CLCA2: variants seen among roughly 807,000 people sequenced by gnomAD.
CLCA2 encodes the protein chloride channel accessory 2.
In CLCA2, 85 loss-of-function variants were observed where a neutral mutation model predicts 82.9. The observed-to-expected ratio is 1.03, with a 90% CI of 0.86 to 1.23. The LOEUF (loss-of-function observed/expected upper bound fraction) is 1.23, where lower values mean the gene tolerates loss of function less well. Ranked by LOEUF, CLCA2 falls within the 50% of genes most tolerant of loss-of-function variation. The pLI is 0.00. For synonymous variants in CLCA2, 421 were observed against 391.7 expected (o/e 1.07, Z -0.88); for missense variants, 1,089 against 1,124.8 (o/e 0.97, Z 0.45).
rs775859452 is a variant in CLCA2 at position 86,450,719 on chromosome 1, G to C, written c.2141G>C (p.Gly714Ala). 3.4e-5 allele frequency: 54 copies of C among 1,601,846 alleles called. No individual in the cohort carries two copies. The highest frequency in any genetic ancestry group is 6.8e-6 in the Non-Finnish European group (8 of 1,174,198). Residue 714 changes from glycine to alanine, a missense_variant, in exon 12 of 14, where the codon GGT (glycine) becomes GCT (alanine). Coordinates refer to ENST00000370565, the MANE Select transcript of CLCA2 (RefSeq NM_006536.7). ...IPGSHAMYVPGYTANGNIQMN... is the reference protein window; with the variant it reads ...IPGSHAMYVPAYTANGNIQMN... ...GGGAGTCATGCTATGTATGTACCAG[G>C]TTACACAGCAAACGGTAAGAACCAT...
intron 1 of CLCA2, 48 bp downstream of exon 1, chr1:86,424,481 C>A: frequency 6.7e-7 from 1 of 1,497,754 alleles, no homozygotes; most frequent in Non-Finnish European, 9.0e-7. Context: ...TTGATCAGAC[C>A]TGTAGCCTTA....
intron 3 of CLCA2, among the ~76,000 whole-genome samples, chr1:86,430,318 A>G (rs1662469528): frequency 6.6e-6 from 1 of 152,204 alleles, no homozygotes; most frequent in Non-Finnish European, 1.5e-5. Context: ...GGGACCATCC[A>G]GGCTGGGGAG....
At chr1:86,442,819 T>C (rs12091898) in intron 9 of CLCA2, among the ~76,000 whole-genome samples, 14,194 of 152,236 alleles carry the variant, frequency 0.093, 742 homozygotes, top group Middle Eastern at 0.16. Context: ...CACGGTTCCA[T>C]TCCCTTGGTA....
intron 9 of CLCA2, among the ~76,000 whole-genome samples, chr1:86,442,839 G>A (rs1040986781): frequency 1.1e-4 from 16 of 152,062 alleles, no homozygotes; most frequent in African/African-American, 3.6e-4. Context: ...ATGTGACATC[G>A]GCAAATTACT....
chr1:86,445,193 C>T (rs1451414771), intron 10 of CLCA2, among the ~76,000 whole-genome samples: 5 of 151,976 alleles, frequency 3.3e-5, no homozygotes, highest in African/African-American at 7.3e-5. Context: ...CCACCGCTCC[C>T]ACCACCTTCT....
At chr1:86,427,502 T>C (rs1003724905) in intron 2 of CLCA2, among the ~76,000 whole-genome samples, 9 of 151,812 alleles carry the variant, frequency 5.9e-5, no homozygotes, top group Non-Finnish European at 1.2e-4. Flanking sequence ...TATTGTCCTC[T>C]TCTTCTCAGT....
chr1:86,452,324 C>T (rs149235332), intron 12 of CLCA2, among the ~76,000 whole-genome samples: 17 of 152,112 alleles, frequency 1.1e-4, no homozygotes, highest in African/African-American at 3.9e-4. Flanking sequence ...CACCATCTCC[C>T]ATCCCAAGCT....
chr1:86,432,237 G>A (rs1662515310), intron 4 of CLCA2, 132 bp from the exon 5 acceptor site: 2 of 1,009,052 alleles, frequency 2.0e-6, no homozygotes, highest in Non-Finnish European at 2.9e-6. Context: ...CACCCCGCCA[G>A]TAGAGCAGTT....
rs897802408 is a variant in CLCA2, at chr1:86,455,152, T to C, written c.2457T>C (p.Ile819=). ...TCCAAGATGACTTTAACAATGCTATTTTAGTAAATACATCAAAGCGAAATC... is the reference window on the plus strand; with the variant it reads ...TCCAAGATGACTTTAACAATGCTATCTTAGTAAATACATCAAAGCGAAATC... ...QNIQDDFNNA[I]LVNTSKRNPQ... Residue 819 remains isoleucine (I), a synonymous_variant, in exon 14 of 14, where the codon ATT becomes ATC. Coordinates refer to ENST00000370565, the MANE Select transcript of CLCA2 (RefSeq NM_006536.7). 3 of 1,611,696 alleles carry C rather than the reference T, an allele frequency of 1.9e-6. No homozygotes were observed. The highest frequency in any genetic ancestry group is 2.5e-6 in the Non-Finnish European group (3 of 1,178,324).
chr1:86,438,277 G>A (rs766076761), intron 6 of CLCA2, among the ~76,000 whole-genome samples: 2 of 152,152 alleles, frequency 1.3e-5, no homozygotes, highest in African/African-American at 2.4e-5. Flanking sequence ...CCCAAAACTG[G>A]TCACTAATAT....
Position 86,439,091 on chromosome 1 carries a change from TAAGA to T in CLCA2, c.1192_1195del (p.Lys398AspfsTer8), listed in dbSNP as rs1558109933. The T allele has an allele frequency of 6.2e-7, 1 of 1,613,968 alleles. No homozygotes were observed. ...CAGACATCAGCATTTGTTCAGGGCTTAAGAAAGGATTTGAGGTACAGTAGAGCAT... is the reference window on the plus strand; with the variant it reads ...CAGACATCAGCATTTGTTCAGGGCTTAAGGATTTGAGGTACAGTAGAGCAT... On this transcript the variant is annotated frameshift_variant, in exon 7 of 14. Coordinates refer to ENST00000370565, the MANE Select transcript of CLCA2 (RefSeq NM_006536.7). LOFTEE classifies it high-confidence loss of function.
chr1:86,450,734 G>A lies in CLCA2; in HGVS notation c.2155+1G>A. 6.3e-7 allele frequency: 1 copy of A among 1,597,240 alleles called. No individual in the cohort carries two copies. The highest frequency in any genetic ancestry group is 1.1e-5 in the South Asian group (1 of 87,204). ...TATGTACCAGGTTACACAGCAAACGGTAAGAACCATTAGCACTGTTATTTG... is the reference window on the plus strand; with the variant it reads ...TATGTACCAGGTTACACAGCAAACGATAAGAACCATTAGCACTGTTATTTG... On this transcript the variant is annotated splice_donor_variant, in intron 12 of 13. Coordinates refer to ENST00000370565, the MANE Select transcript of CLCA2 (RefSeq NM_006536.7). LOFTEE classifies it high-confidence loss of function.
chr1:86,434,845 C>T lies in CLCA2; in HGVS notation c.972+100C>T, dbSNP rs115633371. 1,902 of 982,998 alleles carry T rather than the reference C, an allele frequency of 1.9e-3. 22 individuals carry two copies. In the African/African-American group the frequency reaches 0.027, roughly 14 times the overall value. 60.9% of individuals were successfully genotyped at this position (982,998 alleles called of 1,614,324 possible). On this transcript the variant is annotated intron_variant, in intron 6 of 13. Coordinates refer to ENST00000370565, the MANE Select transcript of CLCA2 (RefSeq NM_006536.7). ...TAAGTTCTGGGGTACATGTGCAGGA[C>T]GTTCAAGTTTGTTACACAGGTAGAC...
chr1:86,430,995 A>C (rs775978055), intron 4 of CLCA2, 25 bp downstream of exon 4: 1 of 1,494,900 alleles, frequency 6.7e-7, no homozygotes, highest in South Asian at 1.2e-5. Context: ...TCATGTTATA[A>C]TTCATTATTT....
At chr1:86,452,878 A>G (rs1663001115) in intron 12 of CLCA2, among the ~76,000 whole-genome samples, 1 of 152,212 alleles carries the variant, frequency 6.6e-6, no homozygotes, top group East Asian at 1.9e-4. Context: ...TATGCCCTCC[A>G]TAAGTATTTA....
chr1:86,452,097 A>G (rs929404481), intron 12 of CLCA2, among the ~76,000 whole-genome samples: 2 of 151,034 alleles, frequency 1.3e-5, no homozygotes, highest in East Asian at 1.9e-4. Context: ...AGGAATCACA[A>G]ACTTTGTAAT....
intron 9 of CLCA2, among the ~76,000 whole-genome samples, chr1:86,443,214 A>AG (rs896741398): frequency 2.0e-5 from 3 of 152,118 alleles, no homozygotes; most frequent in African/African-American, 7.2e-5. Flanking sequence ...TTTTTAGTAC[A>AG]GAAAGGGTTT....
chr1:86,435,966 A>T (rs1662602223), intron 6 of CLCA2, among the ~76,000 whole-genome samples: 1 of 151,888 alleles, frequency 6.6e-6, no homozygotes, highest in Admixed American at 6.6e-5. Context: ...ATGATGTGTG[A>T]AAAGTATATG....
At chr1:86,430,191 A>G (rs528582607) in intron 3 of CLCA2, among the ~76,000 whole-genome samples, 54 of 152,228 alleles carry the variant, frequency 3.5e-4, no homozygotes, top group Non-Finnish European at 5.1e-4. Flanking sequence ...AAGGGAATGT[A>G]AGATTTTGAG....
Sources: allele counts gnomAD v4.1 joint callset (sites outside exome capture counted in the v4.1 genomes callset), GRCh38; gene constraint gnomAD v4.1.1; transcripts MANE v1.5; gene names NCBI Gene and HGNC (gene_info 2026-07-23, HGNC 2026-07-21).